TANK: variants seen among roughly 807,000 people sequenced by gnomAD.
TANK encodes the protein TRAF family member-associated NF-kappa-B activator.
TANK carries 15 observed loss-of-function variants against 43.6 expected under a neutral mutation model. The ratio of observed to expected loss-of-function variants is 0.34; its 90% confidence interval spans 0.23 to 0.53. The LOEUF (loss-of-function observed/expected upper bound fraction) is 0.53, where lower values mean the gene tolerates loss of function less well. TANK is among the 20% of genes least tolerant of loss of function. TANK has a pLI of 0.94. For synonymous variants in TANK, 162 were observed against 178.2 expected, an observed-to-expected ratio of 0.91 and a Z score of 0.73; for missense variants, 417 against 498.6, an observed-to-expected ratio of 0.84 and a Z score of 1.56.
chr2:161,148,077 T>C (rs978162234), intron 1 of TANK, among the ~76,000 whole-genome samples: 2 of 152,170 alleles, frequency 1.3e-5, no homozygotes, highest in African/African-American at 4.8e-5. Flanking sequence ...AATTCTATGT[T>C]TAGCATTTTA....
chr2:161,231,358 T>C lies in TANK; in HGVS notation c.908T>C (p.Leu303Pro). 1 of 1,614,156 alleles carries C rather than the reference T, an allele frequency of 6.2e-7. No homozygotes were observed. Among genetic ancestry groups the C allele is most frequent in the Non-Finnish European group, 8.5e-7 (1 of 1,180,014 alleles). Reference sequence around the variant, plus strand: ...CCCATAGCTTCAGCTATACAAAACCTTAAAACAACTGACAAAACAAAGCCC... The same window carrying C: ...CCCATAGCTTCAGCTATACAAAACCCTAAAACAACTGACAAAACAAAGCCC... ...IDPIASAIQN[L>P]KTTDKTKPSN... Residue 303 changes from leucine to proline, a missense_variant, in exon 7 of 8, where the codon CTT becomes CCT. Coordinates refer to ENST00000392749, the MANE Select transcript of TANK (RefSeq NM_001199135.3).
At chr2:161,151,049 A>G (rs1450935267) in intron 1 of TANK, among the ~76,000 whole-genome samples, 3 of 152,226 alleles carry the variant, frequency 2.0e-5, no homozygotes, top group Non-Finnish European at 2.9e-5. Flanking sequence ...TCATTGGTTA[A>G]GAATGTGTTG....
At chr2:161,142,807 C>G (rs1301789325) in intron 1 of TANK, among the ~76,000 whole-genome samples, 1 of 152,008 alleles carries the variant, frequency 6.6e-6, no homozygotes, top group Non-Finnish European at 1.5e-5. Flanking sequence ...TATATGGACT[C>G]TTTTGGGGTT....
chr2:161,169,210 T>C (rs546305196), intron 1 of TANK, among the ~76,000 whole-genome samples: 3 of 152,266 alleles, frequency 2.0e-5, no homozygotes, highest in African/African-American at 4.8e-5. Context: ...CTAGTCTAGA[T>C]TGGAGCAAGC....
At chr2:161,223,794 C>A in intron 4 of TANK, 121 bp from the exon 5 acceptor site, 1 of 610,062 alleles carries the variant, frequency 1.6e-6, no homozygotes, top group South Asian at 2.5e-5. Context: ...TATAAGCTGT[C>A]TCAAGTTATT....
intron 4 of TANK, chr2:161,207,867 T>C (rs1686716510): frequency 2.0e-6 from 2 of 985,226 alleles, no homozygotes; most frequent in African/African-American, 1.7e-5. Context: ...TATAGAGAAA[T>C]GGTTAAGGTG....
chr2:161,154,946 T>C (rs966335868), intron 1 of TANK, among the ~76,000 whole-genome samples: 1 of 152,108 alleles, frequency 6.6e-6, no homozygotes, highest in Non-Finnish European at 1.5e-5. Context: ...ATTTTCTCCA[T>C]GTTGGCCAGG....
At chr2:161,235,309 T>C (rs1440730420) in intron 7 of TANK, 33 bp from the exon 8 acceptor site, 2 of 1,550,618 alleles carry the variant, frequency 1.3e-6, no homozygotes, top group Non-Finnish European at 8.7e-7. Flanking sequence ...AATTTAAACA[T>C]AAGTAACAGA....
chr2:161,225,100 T>C (rs1687544821), intron 6 of TANK, among the ~76,000 whole-genome samples: 1 of 152,224 alleles, frequency 6.6e-6, no homozygotes, highest in Non-Finnish European at 1.5e-5. Context: ...TTAACTTTTA[T>C]GTTAATAAGT....
At chr2:161,146,165 A>G (rs1683905404) in intron 1 of TANK, among the ~76,000 whole-genome samples, 1 of 152,134 alleles carries the variant, frequency 6.6e-6, no homozygotes, top group South Asian at 2.1e-4. Flanking sequence ...TGTGTTTTTC[A>G]GCTCCATCAG....
At chr2:161,137,049 T>C (rs1683607626) in exon 1 of TANK, 1 of 985,322 alleles carries the variant, frequency 1.0e-6, no homozygotes, top group Admixed American at 6.1e-5. Flanking sequence ...GGAAGACTTG[T>C]AACCTGGAGA....
At chr2:161,209,603 T>G (rs1432450373) in intron 4 of TANK, among the ~76,000 whole-genome samples, 1 of 152,248 alleles carries the variant, frequency 6.6e-6, no homozygotes, top group Non-Finnish European at 1.5e-5. Flanking sequence ...GTCTAGGTTT[T>G]GACAGAAATT....
intron 1 of TANK, among the ~76,000 whole-genome samples, chr2:161,172,359 T>TC (rs200833368): frequency 1.1e-4 from 17 of 148,830 alleles, no homozygotes; most frequent in African/African-American, 2.2e-4. Flanking sequence ...TTTCGGCTTT[T>TC]TTTTTTTTTT....
At chr2:161,176,299 G>A (rs998060636) in intron 1 of TANK, among the ~76,000 whole-genome samples, 3 of 152,144 alleles carry the variant, frequency 2.0e-5, no homozygotes, top group African/African-American at 7.2e-5. Context: ...GAGTCCCAGA[G>A]ACTTTCCTTT....
intron 6 of TANK, among the ~76,000 whole-genome samples, chr2:161,228,942 T>C (rs1385231993): frequency 1.3e-5 from 2 of 152,272 alleles, no homozygotes; most frequent in Non-Finnish European, 2.9e-5. Flanking sequence ...TAGACTATAC[T>C]GTCTAGCTTT....
rs543299105 is a variant in TANK, at chr2:161,222,492, G to T, written c.328-1423G>T. 1.3e-3 allele frequency among the ~76,000 whole-genome samples: 192 copies of T among 152,098 alleles called. 1 individual carries two copies. The highest frequency in any genetic ancestry group is 5.6e-4 in the Non-Finnish European group (38 of 67,950). Reference sequence around the variant, plus strand: ...AAAAGTTTGTTTTCGTATTTGTAGTGTTCTGACTGGCTGGCTAGCTTTAAA... The same window carrying T: ...AAAAGTTTGTTTTCGTATTTGTAGTTTTCTGACTGGCTGGCTAGCTTTAAA... On this transcript the variant is annotated intron_variant, in intron 4 of 7. Coordinates refer to ENST00000392749, the MANE Select transcript of TANK (RefSeq NM_001199135.3).
intron 1 of TANK, among the ~76,000 whole-genome samples, chr2:161,163,793 G>A (rs1429050152): frequency 1.3e-5 from 2 of 152,140 alleles, no homozygotes; most frequent in South Asian, 2.1e-4. Flanking sequence ...CATAGTTCAG[G>A]TATGTGCATG....
intron 2 of TANK, among the ~76,000 whole-genome samples, chr2:161,199,422 A>G (rs936805522): frequency 3.3e-5 from 5 of 152,090 alleles, no homozygotes; most frequent in Non-Finnish European, 5.9e-5. Context: ...TATGTAAGAA[A>G]TAAGTGCCTT....
In TANK at chr2:161,204,743, C is replaced by A; in HGVS notation, c.277C>A (p.Gln93Lys). 1 of 1,607,442 alleles carries A rather than the reference C, an allele frequency of 6.2e-7. No homozygotes were observed. The highest frequency in any genetic ancestry group is 8.5e-7 in the Non-Finnish European group (1 of 1,177,666). ...ETRKNNLTLDQPQDKVISGIA... is the reference protein window; with the variant it reads ...ETRKNNLTLDKPQDKVISGIA... ...AAGAAAGAATAATTTGACTCTTGATCAGCCACAAGATAAAGTGATTTCAGG... is the reference window on the plus strand; with the variant it reads ...AAGAAAGAATAATTTGACTCTTGATAAGCCACAAGATAAAGTGATTTCAGG... The change falls in exon 4 of 8, where the codon CAG (glutamine) becomes AAG (lysine). Residue 93 changes from glutamine (Q) to lysine (K), a missense_variant. Physicochemically the swap from Gln to Lys is moderately conservative, Grantham distance 53. Transcript: ENST00000392749.
Sources: allele counts gnomAD v4.1 joint callset (sites outside exome capture counted in the v4.1 genomes callset), GRCh38; gene constraint gnomAD v4.1.1; transcripts MANE v1.5; gene names NCBI Gene and HGNC (gene_info 2026-07-23, HGNC 2026-07-21).